The following FASN variants were observed in gnomAD, a reference collection of about 807,000 sequenced individuals.
FASN encodes 3-hydroxyacyl-[acyl-carrier-protein] dehydratase.
A neutral mutation model predicts 250.0 loss-of-function variants in FASN; 50 were observed. The ratio of observed to expected loss-of-function variants is 0.20; its 90% confidence interval spans 0.16 to 0.25. The LOEUF is 0.25. Among genes scored for constraint, FASN ranks in the 10% least tolerant of loss-of-function variants. The pLI is 1.00. For missense variants in FASN, 3,031 were observed against 3,498.5 expected (o/e 0.87, Z 3.37); for synonymous variants, 1,909 against 1,584.0 (o/e 1.21, Z -4.87).
intron 38 of FASN, 98 bp downstream of exon 38, chr17:82,081,066 C>G: frequency 1.4e-6 from 2 of 1,460,980 alleles, no homozygotes; most frequent in South Asian, 2.4e-5. Flanking sequence ...GCACCCGTGA[C>G]GAAGGGCGGT....
rs202156082 is a variant in FASN at position 82,084,836 on chromosome 17, C to T, written c.4527G>A (p.Gly1509=). 1 of 1,550,366 alleles carries T rather than the reference C, an allele frequency of 6.5e-7. No homozygotes were observed. The highest frequency in any genetic ancestry group is 8.7e-7 in the Non-Finnish European group (1 of 1,146,958). ...GDLVMNVYRD[G]AWGAFRHFLL... ...GGAAGTGGCGGAAAGCCCCCCAGGC[C>T]CCGTCGCGGTAGACGTTCATCACCA... The change falls in exon 26 of 43, where the codon GGG becomes GGA. Residue 1509 remains glycine (G), a synonymous_variant. Transcript: ENST00000306749.
chr17:82,087,510 C>T lies in FASN; in HGVS notation c.3044-6G>A. ...CAGCAGCCTCCCCGAGTCACCTGCA[C>T]ACAGGGCCTGGTTGGTGCTGTGGAA... On this transcript the variant is annotated splice_polypyrimidine_tract_variant and splice_region_variant and intron_variant, in intron 19 of 42. Transcript: ENST00000306749. The T allele has an allele frequency of 3.1e-6, 5 of 1,612,034 alleles. No individual in the cohort carries two copies. Among genetic ancestry groups the T allele is most frequent in the Non-Finnish European group, 3.4e-6 (4 of 1,179,978 alleles).
At chr17:82,092,622 C>A (rs1244107532) in intron 7 of FASN, 33 bp from the exon 8 acceptor site, 1 of 1,381,012 alleles carries the variant, frequency 7.2e-7, no homozygotes, top group South Asian at 1.1e-5. Flanking sequence ...GGGGCTCTGG[C>A]CAGGTCACCT....
At chr17:82,096,197 G>T in intron 2 of FASN, 122 bp downstream of exon 2, 1 of 1,492,802 alleles carries the variant, frequency 6.7e-7, no homozygotes, top group South Asian at 1.1e-5. Context: ...CTCTGCAGCT[G>T]GGACCGGCCT....
chr17:82,084,712 C>T lies in FASN; in HGVS notation c.4569G>A (p.Lys1523=), dbSNP rs1400714803. Residue 1523 remains lysine, a synonymous_variant, in exon 27 of 43, where the codon AAG becomes AAA. Coordinates refer to ENST00000306749, the MANE Select transcript of FASN (RefSeq NM_004104.5). Reference sequence around the variant, plus strand: ...AGGCATGTGCCGTCGGCTCCTCAGGCTTGTCTAGGGAAACAGGGAGGTGGG... The same window carrying T: ...AGGCATGTGCCGTCGGCTCCTCAGGTTTGTCTAGGGAAACAGGGAGGTGGG... ...AFRHFLLEED[K]PEEPTAHAFV... 4.5e-6 allele frequency: 7 copies of T among 1,560,848 alleles called. No homozygotes were observed. Among genetic ancestry groups the T allele is most frequent in the Non-Finnish European group, 6.1e-6 (7 of 1,152,856 alleles).
chr17:82,085,537 A>G lies in FASN; in HGVS notation c.4067T>C (p.Ile1356Thr), dbSNP rs1158818297. 4 of 1,596,420 alleles carry G rather than the reference A, an allele frequency of 2.5e-6. No individual in the cohort carries two copies. The highest frequency in any genetic ancestry group is 3.5e-5 in the Admixed American group (2 of 57,674). ...TLLRGHPLGD[I>T]VAFLTSTEPQ... ...CTCAGTGGAGGTGAGGAAGGCCACG[A>G]TGTCCCCGAGGGGGTGCCCCCGGAG... The change falls in exon 23 of 43, where the codon ATC becomes ACC. Residue 1356 changes from isoleucine (I) to threonine (T), a missense_variant. By Grantham distance (89) the Ile-to-Thr change is moderately conservative (BLOSUM62 -1). Coordinates refer to ENST00000306749, the MANE Select transcript of FASN (RefSeq NM_004104.5).
rs1258841295 is a variant in FASN, at chr17:82,084,255, A to T, written c.4898T>A (p.Leu1633His). 2 of 1,612,036 alleles carry T rather than the reference A, an allele frequency of 1.2e-6. No individual in the cohort carries two copies. Among genetic ancestry groups the T allele is most frequent in the African/African-American group, 2.7e-5 (2 of 74,912 alleles). ...ATSVLLSPDF[L>H]WDVPSNWTLE... ...TCACCAGTTGGAAGGCACATCCCAG[A>T]GGAAGTCCGGTGACAGCAGGACAGA... Residue 1633 changes from leucine to histidine, a missense_variant, in exon 28 of 43, where the codon CTC becomes CAC. By Grantham distance (99) the Leu-to-His change is moderately conservative. Transcript: ENST00000306749.
rs527276272 is a variant in FASN at position 82,093,605 on chromosome 17, G to A, written c.447C>T (p.Asp149=). Residue 149 remains aspartate (D), a synonymous_variant, in exon 4 of 43, where the codon GAC becomes GAT. Coordinates refer to ENST00000306749, the MANE Select transcript of FASN (RefSeq NM_004104.5). The part of the protein sequence containing the change: ...MMANRLSFFF[D]FRGPSIALDT... ...AGGCTGGGCAGGACCCACCTCTGAA[G>A]TCGAAGAAGAAGGAGAGCCGGTTGG... The A allele has an allele frequency of 4.3e-6, 7 of 1,612,820 alleles. No individual in the cohort carries two copies. The highest frequency in any genetic ancestry group is 4.0e-5 in the African/African-American group (3 of 75,058).
intron 21 of FASN, among the ~76,000 whole-genome samples, chr17:82,086,761 C>G (rs954341907): frequency 7.2e-5 from 11 of 152,218 alleles, no homozygotes; most frequent in Non-Finnish European, 1.6e-4. Flanking sequence ...GGGCCGCATT[C>G]AGCTGCAGGG....
chr17:82,087,349 A>G lies in FASN; in HGVS notation c.3199T>C (p.Tyr1067His). 1 of 1,612,240 alleles carries G rather than the reference A, an allele frequency of 6.2e-7. No individual in the cohort carries two copies. The highest frequency in any genetic ancestry group is 8.5e-7 in the Non-Finnish European group (1 of 1,179,922). ...IDPATHRQKL[Y>H]TLQDKAQVAD... ...CCTTGGGCCTTGTCCTGCAGTGTGT[A>G]CAGCTTCTGCCTGTGGGTGGCAGGG... The change falls in exon 20 of 43, where the codon TAC becomes CAC. Residue 1067 changes from tyrosine (Y) to histidine (H), a missense_variant. Physicochemically the swap from Tyr to His is moderately conservative, Grantham distance 83 (BLOSUM62 2). Coordinates refer to ENST00000306749, the MANE Select transcript of FASN (RefSeq NM_004104.5).
chr17:82,093,228 C>T lies in FASN; in HGVS notation c.646G>A (p.Asp216Asn), dbSNP rs144193556. The T allele has an allele frequency of 8.8e-6, 14 of 1,582,154 alleles. No individual in the cohort carries two copies. Among genetic ancestry groups the T allele is most frequent in the African/African-American group, 4.0e-5 (3 of 74,454 alleles). Residue 216 changes from aspartate (D) to asparagine (N), a missense_variant, in exon 5 of 43, where the codon GAC (aspartate) becomes AAC (asparagine). By Grantham distance (23) the Asp-to-Asn change is conservative. Transcript: ENST00000306749. ...LSPEGTCKAF[D>N]TAGNGYCRSE... ...GCAGCCGCACACTCACCCGCTGTGT[C>T]GAAGGCCTTGCAGGTGCCCTCGGGG...
chr17:82,091,647 T>C lies in FASN; in HGVS notation c.1067A>G (p.Asn356Ser), dbSNP rs1296646858. 1.3e-6 allele frequency: 2 copies of C among 1,595,512 alleles called. No individual in the cohort carries two copies. The highest frequency in any genetic ancestry group is 1.8e-5 in the Admixed American group (1 of 56,600). ...AGGGTTGGGGCTATGGAAGTGCAGG[T>C]TGGGGGCCCAGAGCCCGTGCTCCAG... ...LSLEHGLWAP[N>S]LHFHSPNPEI... Residue 356 changes from asparagine (N) to serine (S), a missense_variant, in exon 9 of 43, where the codon AAC (asparagine) becomes AGC (serine). Coordinates refer to ENST00000306749, the MANE Select transcript of FASN (RefSeq NM_004104.5).
intron 12 of FASN, 77 bp downstream of exon 12, chr17:82,089,555 C>T (rs1051938103): frequency 4.5e-6 from 7 of 1,540,402 alleles, no homozygotes; most frequent in African/African-American, 2.7e-5. Flanking sequence ...GGGCGTAGAC[C>T]GTGGCCGCGT....
In FASN at chr17:82,085,629, C is replaced by G; in HGVS notation, c.3975G>C (p.Pro1325=). The G allele has an allele frequency of 6.3e-7, 1 of 1,597,436 alleles. No homozygotes were observed. The highest frequency in any genetic ancestry group is 8.5e-7 in the Non-Finnish European group (1 of 1,172,840). The change falls in exon 23 of 43, where the codon CCG becomes CCC. Residue 1325 remains proline, a synonymous_variant. Transcript: ENST00000306749. ...CCACCATGTTGCTGAGAGCTGAGGC[C>G]GGGTCCCCGAGGGCAGCCACAGCAC... ...CNCAVAALGD[P]ASALSNMVAA...
In FASN at chr17:82,087,736, C is replaced by T; in HGVS notation, c.2992G>A (p.Gly998Ser). ...TGGAAATGAGGGCCGTAGTCGTAGC[C>T]ACGCAGACGCAGCTCCTTGTAAACT... ...AEVYKELRLRGYDYGPHFQGI... is the reference protein window; with the variant it reads ...AEVYKELRLRSYDYGPHFQGI... The change falls in exon 19 of 43, where the codon GGC becomes AGC. Residue 998 changes from glycine to serine, a missense_variant. By Grantham distance (56) the Gly-to-Ser change is moderately conservative. Transcript: ENST00000306749. 6.2e-7 allele frequency: 1 copy of T among 1,612,434 alleles called. No individual in the cohort carries two copies. Among genetic ancestry groups the T allele is most frequent in the South Asian group, 1.1e-5 (1 of 91,074 alleles).
Position 82,084,067 on chromosome 17 carries a change from T to C in FASN, c.5006A>G (p.Glu1669Gly). 5 of 1,550,448 alleles carry C rather than the reference T, an allele frequency of 3.2e-6. No individual in the cohort carries two copies. The highest frequency in any genetic ancestry group is 3.5e-6 in the Non-Finnish European group (4 of 1,148,840). Residue 1669 changes from glutamate (E) to glycine (G), a missense_variant, in exon 29 of 43, where the codon GAG becomes GGG. Glu to Gly is a moderately conservative substitution (Grantham distance 98). Transcript: ENST00000306749. ...LVVRGRVRPG[E>G]TLLIHSGSGG... ...CGAGCCCGAGTGGATGAGCAGCGTC[T>C]CCCCGGGGCGCACCCGCCCACGCAC...
Position 82,093,016 on chromosome 17 carries a change from T to C in FASN, c.659A>G (p.Asn220Ser), listed in dbSNP as rs1011886751. ...CACACCCTCCGAGCGGCAGTACCCA[T>C]TCCCTGGGTAGAGCAGCACCTCAGG... is the stretch of plus-strand genomic sequence containing the variant. ...GTCKAFDTAG[N>S]GYCRSEGVVA... is the part of the protein sequence containing the mutation. Residue 220 changes from asparagine to serine, a missense_variant, in exon 6 of 43, where the codon AAT becomes AGT. By Grantham distance (46) the Asn-to-Ser change is conservative. Transcript: ENST00000306749. The C allele has an allele frequency of 3.1e-6, 5 of 1,611,784 alleles. No individual in the cohort carries two copies. The African/African-American group carries it at 6.7e-5, about 22-fold the overall frequency.
At position 82,086,326 on chromosome 17, in the gene FASN, G is replaced by A; in HGVS notation, c.3660C>T (p.Asp1220=). 2 of 1,604,568 alleles carry A rather than the reference G, an allele frequency of 1.2e-6. No individual in the cohort carries two copies. The highest frequency in any genetic ancestry group is 1.7e-6 in the Non-Finnish European group (2 of 1,178,782). The change falls in exon 22 of 43, where the codon GAC becomes GAT. Residue 1220 remains aspartate (D), a synonymous_variant. Transcript: ENST00000306749. ...CCAGGCAGGCCTTGAGTGCCGGGGA[G>A]TCCAGGAGGCCGCTGAGCAGAGGGT... The part of the protein sequence containing the change: ...PEDPLLSGLL[D]SPALKACLDT...
Position 82,084,250 on chromosome 17 carries a change from C to G in FASN, c.4903G>C (p.Asp1635His). Reference sequence around the variant, plus strand: ...CACACTCACCAGTTGGAAGGCACATCCCAGAGGAAGTCCGGTGACAGCAGG... The same window carrying G: ...CACACTCACCAGTTGGAAGGCACATGCCAGAGGAAGTCCGGTGACAGCAGG... ...SVLLSPDFLW[D>H]VPSNWTLEEA... is the part of the protein sequence containing the mutation. The change falls in exon 28 of 43, where the codon GAT becomes CAT. Residue 1635 changes from aspartate (D) to histidine (H), a missense_variant. Coordinates refer to ENST00000306749, the MANE Select transcript of FASN (RefSeq NM_004104.5). 3.1e-6 allele frequency: 5 copies of G among 1,612,078 alleles called. No homozygotes were observed. Among genetic ancestry groups the G allele is most frequent in the Non-Finnish European group, 4.2e-6 (5 of 1,179,638 alleles).
Sources: allele counts gnomAD v4.1 joint callset (sites outside exome capture counted in the v4.1 genomes callset), GRCh38; gene constraint gnomAD v4.1.1; transcripts MANE v1.5; gene names NCBI Gene and HGNC (gene_info 2026-07-23, HGNC 2026-07-21).